Variants in SATB2 observed in about 807,000 individuals in gnomAD.
SATB2 encodes the protein DNA-binding protein SATB2.
A neutral mutation model predicts 73.4 loss-of-function variants in SATB2; 1 was observed. The observed-to-expected ratio is 0.01, with a 90% confidence interval of 0.00 to 0.06. SATB2 has a LOEUF of 0.06. Among genes scored for constraint, SATB2 ranks in the 10% least tolerant of loss-of-function variants. The probability of loss-of-function intolerance (pLI) is 1.00; values close to 1 mark genes in which losing one functional copy is unlikely to be tolerated. For missense variants in SATB2, 459 were observed against 945.8 expected (o/e 0.49, Z 6.75); for synonymous variants, 397 against 367.0 (o/e 1.08, Z -0.93).
At chr2:199,396,410 C>G (rs1391106921) in intron 3 of SATB2, 1 of 152,122 alleles carries the variant, frequency 6.6e-6, no homozygotes, top group Non-Finnish European at 1.5e-5. Flanking sequence ...CTTATATAAA[C>G]ATTCATTCTG....
At position 199,415,406 on chromosome 2, in the gene SATB2, C is replaced by T. The variant is rs967677703; in HGVS notation, c.346+17932G>A. Among the ~76,000 whole-genome samples, 30 of 152,108 alleles carry T rather than the reference C, an allele frequency of 2.0e-4. 1 individual carries two copies. The highest frequency in any genetic ancestry group is 1.4e-3 in the Admixed American group (22 of 15,272). ...CAAGAATAAATTGCTAATCATTAGC[C>T]ATATAAATCATTTAAAGTGCTATAT... On this transcript the variant is annotated intron_variant, in intron 3 of 10. Transcript: ENST00000417098.
intron 7 of SATB2, among the ~76,000 whole-genome samples, chr2:199,336,604 T>G (rs1688344455): frequency 6.6e-6 from 1 of 152,244 alleles, no homozygotes; most frequent in Non-Finnish European, 1.5e-5. Flanking sequence ...TATTCTTTCC[T>G]GCTGAAATAT....
rs148623522 is a variant in SATB2, at chr2:199,398,826, A to C, written c.347-17006T>G. Among the ~76,000 whole-genome samples the C allele has an allele frequency of 6.0e-4, 91 of 152,342 alleles. 3 individuals carry two copies. The East Asian group carries it at 0.015, about 25-fold the overall frequency. On this transcript the variant is annotated intron_variant, in intron 3 of 10. Transcript: ENST00000417098. ...TTCACCAGGTTTGACAAGTGTGGAA[A>C]TAAAAAAATAAAGACTCACAGAATG...
intron 9 of SATB2, among the ~76,000 whole-genome samples, chr2:199,320,084 C>T (rs1687844177): frequency 6.6e-6 from 1 of 152,068 alleles, no homozygotes; most frequent in Non-Finnish European, 1.5e-5. Context: ...AGAGGGCCAG[C>T]AAGATTAGCA....
Position 199,445,198 on chromosome 2 carries a change from C to T in SATB2, c.169+10671G>A, listed in dbSNP as rs1043212891. On this transcript the variant is annotated intron_variant, in intron 2 of 10. Transcript: ENST00000417098. ...CGTTATGGAGCTGAGAATTATTTTG[C>T]TATAAATCTTTTTATTGGGGGGCCA... Among the ~76,000 whole-genome samples, 7 of 152,150 alleles carry T rather than the reference C, an allele frequency of 4.6e-5. No homozygotes were observed. In the East Asian group the frequency reaches 1.2e-3, roughly 25 times the overall value.
chr2:199,451,419 G>C (rs1692119937), intron 2 of SATB2, among the ~76,000 whole-genome samples: 3 of 145,628 alleles, frequency 2.1e-5, no homozygotes, highest in Non-Finnish European at 4.5e-5. Flanking sequence ...CAAAGCCTAA[G>C]TTCATTCTAT....
rs1283962528 is a variant in SATB2, at chr2:199,348,810, T to G, written c.1064A>C (p.Asn355Thr). ...ATCTGGAGAGACTTCCACGGAAGAG[T>G]TGGTTGGCTCTGGCTTAACTGCTCT... Reference protein sequence around the residue: ...IPRAVKPEPTNSSVEVSPDIY... With the variant: ...IPRAVKPEPTTSSVEVSPDIY... The change falls in exon 7 of 11, where the codon AAC becomes ACC. Residue 355 changes from asparagine to threonine, a missense_variant. By Grantham distance (65) the Asn-to-Thr change is moderately conservative (BLOSUM62 0). Transcript: ENST00000417098. 1.9e-6 allele frequency: 3 copies of G among 1,612,514 alleles called. No homozygotes were observed. The highest frequency in any genetic ancestry group is 1.7e-5 in the Admixed American group (1 of 59,964).
At chr2:199,363,598 T>C (rs1316265020) in intron 6 of SATB2, among the ~76,000 whole-genome samples, 2 of 152,132 alleles carry the variant, frequency 1.3e-5, no homozygotes, top group Admixed American at 6.5e-5. Flanking sequence ...TAGCTAATAA[T>C]TGAGTACTGT....
chr2:199,456,120 AGGGGGAGG>A, intron 1 of SATB2, 24 bp from the exon 2 acceptor site: 5 of 191,648 alleles, frequency 2.6e-5, no homozygotes, highest in South Asian at 1.7e-4. Flanking sequence ...GGGGGGAGGA[AGGGGGAGG>A]GAGAAAAAAG....
At chr2:199,385,299 T>A (rs552031188) in intron 3 of SATB2, among the ~76,000 whole-genome samples, 131 of 152,258 alleles carry the variant, frequency 8.6e-4, no homozygotes, top group African/African-American at 3.0e-3. Context: ...CACACCTGGC[T>A]AAGTTTTGTA....
At chr2:199,363,285 A>G (rs1230485942) in intron 6 of SATB2, among the ~76,000 whole-genome samples, 1 of 152,226 alleles carries the variant, frequency 6.6e-6, no homozygotes, top group East Asian at 1.9e-4. Flanking sequence ...AACTGGTGAG[A>G]TAAAAGGTGG....
In SATB2 at chr2:199,309,175, T is replaced by G. The variant is rs114467079; in HGVS notation, c.1543-218A>C. On this transcript the variant is annotated intron_variant, in intron 9 of 10. Transcript: ENST00000417098. ...GAATCTTTCCTCTTGTTAGATATCG[T>G]ATCACCCTGCCTATAGAATATATTC... is the stretch of plus-strand genomic sequence containing the variant. Among the ~76,000 whole-genome samples the G allele has an allele frequency of 8.7e-3, 1,330 of 152,362 alleles. 20 individuals are homozygous for G. The highest frequency in any genetic ancestry group is 0.03 in the African/African-American group (1,232 of 41,580).
At chr2:199,436,794 C>T (rs1291702909) in intron 2 of SATB2, among the ~76,000 whole-genome samples, 2 of 151,134 alleles carry the variant, frequency 1.3e-5, no homozygotes, top group Admixed American at 1.3e-4. Context: ...AACCAGAAAT[C>T]CCTAAGGGAA....
intron 3 of SATB2, among the ~76,000 whole-genome samples, chr2:199,392,652 G>GCCCTCTGTTGGATGCAGCTCT (rs1285737804): frequency 2.0e-5 from 3 of 152,122 alleles, no homozygotes; most frequent in African/African-American, 7.2e-5. Flanking sequence ...TCTTGGATCT[G>GCCCTCTGTTGGATGCAGCTCT]CCCTCTGTTG....
chr2:199,308,730 A>G lies in SATB2; in HGVS notation c.1740+30T>C. On this transcript the variant is annotated intron_variant, in intron 10 of 10. Transcript: ENST00000417098. The surrounding 1 kb of genome is among the most constrained non-coding windows in gnomAD (Gnocchi z 4.6). ...ACTGCTGGCACACAGAGCCCTGATC[A>G]GGTGGGGTACGGCGGTCGGGGACAC... 2 of 1,598,272 alleles carry G rather than the reference A, an allele frequency of 1.3e-6. No individual in the cohort carries two copies.
chr2:199,337,282 T>G (rs1688363783), intron 7 of SATB2, among the ~76,000 whole-genome samples: 1 of 152,200 alleles, frequency 6.6e-6, no homozygotes, highest in Admixed American at 6.5e-5. Context: ...AACACTAAAT[T>G]AAAATATTCA....
chr2:199,352,195 A>G (rs1321689169), intron 6 of SATB2, among the ~76,000 whole-genome samples: 2 of 152,206 alleles, frequency 1.3e-5, no homozygotes, highest in Non-Finnish European at 2.9e-5. Flanking sequence ...TTTCTACTGA[A>G]AAAACATAGA....
At chr2:199,465,385 C>T (rs910139659), upstream of SATB2, among the ~76,000 whole-genome samples, 1 of 152,236 alleles carries the variant, frequency 6.6e-6, no homozygotes, top group Non-Finnish European at 1.5e-5. Context: ...GACAGAAAGA[C>T]ATCTGCAGTG....
chr2:199,323,601 A>C (rs765595030), intron 9 of SATB2, among the ~76,000 whole-genome samples: 3 of 152,118 alleles, frequency 2.0e-5, no homozygotes. Context: ...TCTTTAAAAG[A>C]AAAAAGGTCA....
Sources: allele counts gnomAD v4.1 joint callset (sites outside exome capture counted in the v4.1 genomes callset), GRCh38; gene constraint gnomAD v4.1.1; non-coding constraint Gnocchi (gnomAD v3.1); transcripts MANE v1.5; gene names NCBI Gene and HGNC (gene_info 2026-07-23, HGNC 2026-07-21).